DLGAP2: variants seen among roughly 807,000 people sequenced by gnomAD.
The protein encoded by DLGAP2 is disks large-associated protein 2.
DLGAP2 carries 26 observed loss-of-function variants against 100.3 expected under a neutral mutation model. The ratio of observed to expected loss-of-function variants is 0.26; its 90% CI spans 0.19 to 0.36. The LOEUF is 0.36. Ranked by LOEUF, DLGAP2 falls within the 10% of genes least tolerant of loss-of-function variation. The pLI is 1.00. For missense variants in DLGAP2, 1,858 were observed against 1,453.2 expected, an observed-to-expected ratio of 1.28 and a Z score of -4.53; for synonymous variants, 886 against 630.1, an observed-to-expected ratio of 1.41 and a Z score of -6.08.
chr8:1,471,456 C>T (rs963962343), intron 3 of DLGAP2, among the ~76,000 whole-genome samples: 1 of 151,990 alleles, frequency 6.6e-6, no homozygotes, highest in African/African-American at 2.4e-5. Flanking sequence ...TGACGCAGGA[C>T]ATCCCCAGCC....
chr8:782,110 G>C (rs749114302), intron 1 of DLGAP2, among the ~76,000 whole-genome samples: 2 of 151,872 alleles, frequency 1.3e-5, no homozygotes, highest in Non-Finnish European at 2.9e-5. Context: ...GATGAATGAG[G>C]TGAAAGATAT....
chr8:1,065,365 A>G (rs1247615559), intron 2 of DLGAP2, among the ~76,000 whole-genome samples: 1 of 152,248 alleles, frequency 6.6e-6, no homozygotes, highest in African/African-American at 2.4e-5. Context: ...ATTTTCATTT[A>G]GAGAACAGTT....
chr8:1,548,359 T>C (rs1277717934), intron 4 of DLGAP2, among the ~76,000 whole-genome samples: 1 of 145,294 alleles, frequency 6.9e-6, no homozygotes, highest in East Asian at 2.0e-4. Context: ...CTCGGGAGGC[T>C]GAGGCAGGAG....
intron 6 of DLGAP2, among the ~76,000 whole-genome samples, chr8:1,595,286 T>C (rs1796416568): frequency 6.6e-6 from 1 of 152,046 alleles, no homozygotes; most frequent in South Asian, 2.1e-4. Context: ...ATATAAACTT[T>C]TTATTGACAA....
chr8:1,289,705 C>A (rs10098870), intron 3 of DLGAP2, among the ~76,000 whole-genome samples: 30,027 of 152,022 alleles, frequency 0.2, 3,371 homozygotes, highest in Non-Finnish European at 0.23. Context: ...GAAGTACCCC[C>A]CCGAGGCTAA....
chr8:792,032 C>T (rs1822044012), intron 1 of DLGAP2, among the ~76,000 whole-genome samples: 2 of 152,158 alleles, frequency 1.3e-5, no homozygotes, highest in South Asian at 4.1e-4. Flanking sequence ...TGTACCTGTA[C>T]GATGTTGATA....
chr8:744,561 G>A (rs889822430), intron 1 of DLGAP2, among the ~76,000 whole-genome samples: 7 of 147,146 alleles, frequency 4.8e-5, no homozygotes, highest in Non-Finnish European at 7.5e-5. Context: ...CGGCCACGTC[G>A]CCCTCCCGGG....
chr8:1,315,489 A>C (rs528703591), intron 3 of DLGAP2, among the ~76,000 whole-genome samples: 2 of 146,964 alleles, frequency 1.4e-5, no homozygotes, highest in Non-Finnish European at 3.0e-5. Flanking sequence ...GCAGCTTTTA[A>C]AAATAGAGCG....
intron 6 of DLGAP2, among the ~76,000 whole-genome samples, chr8:1,589,311 C>T (rs1351228967): frequency 1.3e-5 from 2 of 152,204 alleles, no homozygotes; most frequent in African/African-American, 2.4e-5. Flanking sequence ...ATTGCAGTTA[C>T]CATAGTAATA....
intron 1 of DLGAP2, among the ~76,000 whole-genome samples, chr8:897,134 C>T (rs912936368): frequency 6.6e-6 from 1 of 152,146 alleles, no homozygotes; most frequent in Non-Finnish European, 1.5e-5. Context: ...TCTCTGTTCA[C>T]TGTGACAAAC....
intron 4 of DLGAP2, among the ~76,000 whole-genome samples, chr8:1,505,105 C>T (rs989026711): frequency 6.6e-6 from 1 of 152,152 alleles, no homozygotes; most frequent in Admixed American, 6.6e-5. Context: ...TTATTTTAGA[C>T]ATTTGTTTTT....
At chr8:1,474,871 C>T (rs997874191) in intron 3 of DLGAP2, among the ~76,000 whole-genome samples, 2 of 152,192 alleles carry the variant, frequency 1.3e-5, no homozygotes, top group Admixed American at 6.5e-5. Flanking sequence ...CCCCATAATG[C>T]TATTACTAGG....
At chr8:1,502,278 G>A (rs899576372) in intron 4 of DLGAP2, among the ~76,000 whole-genome samples, 1 of 152,236 alleles carries the variant, frequency 6.6e-6, no homozygotes, top group Non-Finnish European at 1.5e-5. Context: ...CGGATCATAA[G>A]TTCAATTTAT....
At chr8:1,300,748 G>A (rs2116992684) in intron 3 of DLGAP2, 1 of 152,250 alleles carries the variant, frequency 6.6e-6, no homozygotes, top group East Asian at 1.9e-4. Flanking sequence ...GAACAGGACG[G>A]GCCTCACATC....
chr8:927,765 A>G (rs998971462), intron 2 of DLGAP2, among the ~76,000 whole-genome samples: 2 of 152,162 alleles, frequency 1.3e-5, no homozygotes, highest in Non-Finnish European at 2.9e-5. Flanking sequence ...GTTGGGAATT[A>G]CTGTTCTTGG....
At chr8:1,005,908 G>C (rs191390684) in intron 2 of DLGAP2, among the ~76,000 whole-genome samples, 1 of 152,136 alleles carries the variant, frequency 6.6e-6, no homozygotes, top group Non-Finnish European at 1.5e-5. Context: ...GAGTGAGGGA[G>C]ATCAAAGAAA....
At chr8:914,335 G>A (rs1798547753) in intron 2 of DLGAP2, among the ~76,000 whole-genome samples, 2 of 152,098 alleles carry the variant, frequency 1.3e-5, no homozygotes, top group South Asian at 4.1e-4. Flanking sequence ...CTCTCTCTCT[G>A]CCCAGCTAAA....
Position 1,175,241 on chromosome 8 carries a change from T to C in DLGAP2, c.74-83610T>C, listed in dbSNP as rs17668625. Among the ~76,000 whole-genome samples the C allele has an allele frequency of 2.0e-3, 291 of 143,170 alleles. 2 individuals carry two copies. Among genetic ancestry groups the C allele is most frequent in the Non-Finnish European group, 2.5e-3 (155 of 63,030 alleles). 93.9% of individuals were successfully genotyped at this position (143,170 alleles called of 152,430 possible). A position where few individuals can be genotyped will look rare whatever the true frequency, so the allele number is the denominator to read the frequency against. The stretch of plus-strand genomic sequence containing the variant: ...CACAGAAATGTCTTCACATGCTTGA[T>C]TTTAAAAAAAAAACCTAAGAAGTGT... On this transcript the variant is annotated intron_variant, in intron 2 of 14. Coordinates refer to ENST00000637795, the MANE Select transcript of DLGAP2 (RefSeq NM_001346810.2).
intron 3 of DLGAP2, among the ~76,000 whole-genome samples, chr8:1,296,458 C>A (rs1212068752): frequency 6.6e-6 from 1 of 152,182 alleles, no homozygotes; most frequent in Non-Finnish European, 1.5e-5. Context: ...TTGGAGATTT[C>A]TTAGCCCTCA....
Sources: gnomAD v4.1 joint callset for allele counts (sites outside exome capture counted in the v4.1 genomes callset) on GRCh38, gnomAD v4.1.1 for gene constraint, MANE v1.5 for transcripts, NCBI Gene and HGNC (gene_info 2026-07-23, HGNC 2026-07-21) for gene names.